The following KCNT2 variants were observed in gnomAD, a reference collection of about 807,000 sequenced individuals.
The protein encoded by KCNT2 is potassium sodium-activated channel subfamily T member 2.
Under a neutral mutation model 153.8 loss-of-function variants are expected in KCNT2, and 67 were observed. The observed-to-expected ratio is 0.44, with a 90% CI of 0.36 to 0.53. The LOEUF (loss-of-function observed/expected upper bound fraction) is 0.53, where lower values mean the gene tolerates loss of function less well. Among genes scored for constraint, KCNT2 ranks in the 20% least tolerant of loss-of-function variants. The probability of loss-of-function intolerance (pLI) is 0.00; values close to 1 mark genes in which losing one functional copy is unlikely to be tolerated. For missense variants in KCNT2, 975 were observed against 1,354.8 expected (o/e 0.72, Z 4.40); for synonymous variants, 500 against 458.8 (o/e 1.09, Z -1.15).
chr1:196,378,938 G>A (rs1669217245), intron 13 of KCNT2, among the ~76,000 whole-genome samples: 1 of 148,634 alleles, frequency 6.7e-6, no homozygotes, highest in East Asian at 2.0e-4. Flanking sequence ...TTTAGTAATA[G>A]ACGCTCTTAT....
intron 1 of KCNT2, among the ~76,000 whole-genome samples, chr1:196,591,445 A>G (rs771706051): frequency 2.2e-4 from 33 of 152,226 alleles, no homozygotes; most frequent in Non-Finnish European, 4.3e-4. Flanking sequence ...CACTTGTCAT[A>G]TACCACCCCC....
intron 11 of KCNT2, 137 bp downstream of exon 11, chr1:196,425,715 G>T: frequency 2.5e-6 from 2 of 793,480 alleles, no homozygotes; most frequent in East Asian, 2.6e-5. Flanking sequence ...GCCAGCAGAG[G>T]GACTAAGGCA....
chr1:196,537,915 G>A (rs1655810528), intron 1 of KCNT2, among the ~76,000 whole-genome samples: 1 of 152,150 alleles, frequency 6.6e-6, no homozygotes, highest in African/African-American at 2.4e-5. Flanking sequence ...TGCATTCACA[G>A]CAGCCTGTAG....
At chr1:196,470,600 G>A (rs536947298) in intron 5 of KCNT2, among the ~76,000 whole-genome samples, 1 of 152,220 alleles carries the variant, frequency 6.6e-6, no homozygotes, top group South Asian at 2.1e-4. Context: ...GCTTTACATG[G>A]GAGAAAGGGC....
At chr1:196,519,200 A>C (rs1160524470) in intron 1 of KCNT2, among the ~76,000 whole-genome samples, 2 of 152,154 alleles carry the variant, frequency 1.3e-5, no homozygotes, top group Non-Finnish European at 2.9e-5. Flanking sequence ...ATGACTTTGG[A>C]GTAAACAATG....
intron 3 of KCNT2, among the ~76,000 whole-genome samples, chr1:196,489,264 A>T (rs1679674974): frequency 6.6e-6 from 1 of 151,988 alleles, no homozygotes; most frequent in Non-Finnish European, 1.5e-5. Flanking sequence ...TTAACAAATA[A>T]CTATTGTTTG....
intron 8 of KCNT2, among the ~76,000 whole-genome samples, chr1:196,445,631 G>T (rs573039323): frequency 1.3e-4 from 19 of 151,462 alleles, no homozygotes; most frequent in African/African-American, 3.9e-4. Flanking sequence ...CATAATGATA[G>T]CCCTTTCAGT....
At chr1:196,324,397 A>G (rs1209560986) in intron 19 of KCNT2, among the ~76,000 whole-genome samples, 2 of 152,034 alleles carry the variant, frequency 1.3e-5, no homozygotes, top group African/African-American at 4.8e-5. Flanking sequence ...CTGACCATGA[A>G]AAAGGTCATT....
intron 1 of KCNT2, among the ~76,000 whole-genome samples, chr1:196,534,072 C>G (rs949711229): frequency 6.0e-5 from 9 of 150,476 alleles, no homozygotes; most frequent in African/African-American, 2.2e-4. Context: ...ATTCAGTGCA[C>G]AAAAACTTGG....
chr1:196,286,632 CACACAT>C (rs1264553228), intron 22 of KCNT2, among the ~76,000 whole-genome samples: 71 of 139,436 alleles, frequency 5.1e-4, no homozygotes, highest in Admixed American at 2.6e-3. Context: ...CACACACACA[CACACAT>C]ACACACACAC....
At chr1:196,379,575 C>A (rs1352331889) in intron 13 of KCNT2, among the ~76,000 whole-genome samples, 2 of 137,786 alleles carry the variant, frequency 1.5e-5, no homozygotes, top group Non-Finnish European at 3.0e-5. Context: ...TTCTCTCTCT[C>A]TCTCTCTCTC....
intron 8 of KCNT2, among the ~76,000 whole-genome samples, chr1:196,452,816 T>C (rs1676339134): frequency 1.3e-5 from 2 of 151,926 alleles, no homozygotes; most frequent in Non-Finnish European, 2.9e-5. Flanking sequence ...AGTCAGTTAG[T>C]GGAGGGTCTG....
At chr1:196,558,191 G>A (rs1160006672) in intron 1 of KCNT2, among the ~76,000 whole-genome samples, 1 of 151,344 alleles carries the variant, frequency 6.6e-6, no homozygotes, top group Non-Finnish European at 1.5e-5. Flanking sequence ...ATCTTCAGTA[G>A]AGGCAGCTTA....
At chr1:196,604,355 T>C (rs539930616) in intron 1 of KCNT2, among the ~76,000 whole-genome samples, 2 of 152,176 alleles carry the variant, frequency 1.3e-5, no homozygotes, top group Non-Finnish European at 2.9e-5. Context: ...AATGGGGCCC[T>C]GAGACATAGC....
chr1:196,480,032 C>G (rs10801540), intron 4 of KCNT2, among the ~76,000 whole-genome samples: 150,278 of 152,336 alleles, frequency 0.99, 74,150 homozygotes, highest in Middle Eastern at 1. Flanking sequence ...TCCTACGTAT[C>G]CTTTTATCTT....
chr1:196,454,068 G>A (rs1676447149), intron 8 of KCNT2, among the ~76,000 whole-genome samples: 1 of 151,546 alleles, frequency 6.6e-6, no homozygotes, highest in African/African-American at 2.4e-5. Context: ...TATATTTCCT[G>A]AAATAATTTT....
intron 1 of KCNT2, among the ~76,000 whole-genome samples, chr1:196,597,143 T>A (rs1664180176): frequency 6.6e-6 from 1 of 152,178 alleles, no homozygotes; most frequent in Non-Finnish European, 1.5e-5. Context: ...TCCTAGTATG[T>A]TCTCCATCAA....
chr1:196,571,352 G>A (rs1660755483), intron 1 of KCNT2, among the ~76,000 whole-genome samples: 1 of 152,020 alleles, frequency 6.6e-6, no homozygotes, highest in African/African-American at 2.4e-5. Flanking sequence ...TATTCTAAAG[G>A]AGAAAGAATG....
intron 26 of KCNT2, among the ~76,000 whole-genome samples, chr1:196,245,661 A>G (rs975564189): frequency 3.9e-5 from 6 of 152,244 alleles, no homozygotes; most frequent in South Asian, 2.1e-4. Context: ...AAAATTAACA[A>G]AGAGGTTGAA....
Sources: gnomAD v4.1 joint callset for allele counts (sites outside exome capture counted in the v4.1 genomes callset) on GRCh38, gnomAD v4.1.1 for gene constraint, MANE v1.5 for transcripts, NCBI Gene and HGNC (gene_info 2026-07-23, HGNC 2026-07-21) for gene names.